The following MTERF4 variants were observed in gnomAD, a reference collection of about 807,000 sequenced individuals.
MTERF4 encodes the protein mitochondrial transcription termination factor 4, also known as transcription termination factor 4, mitochondrial.
Under a neutral mutation model 22.5 loss-of-function variants are expected in MTERF4, and 17 were observed. The ratio of observed to expected loss-of-function variants is 0.75; its 90% confidence interval spans 0.52 to 1.13. The LOEUF (loss-of-function observed/expected upper bound fraction) is 1.13. MTERF4 is among the 50% of genes most tolerant of loss of function. The pLI is 0.00. For missense variants in MTERF4, 420 were observed against 466.8 expected (o/e 0.90, Z 0.92); for synonymous variants, 165 against 175.3 (o/e 0.94, Z 0.47).
rs983715306 is a variant in MTERF4, at chr2:241,073,836, T to C, written n.2326A>G. On this transcript the variant is annotated non_coding_transcript_exon_variant, in exon 5 of 5. Coordinates refer to the MTERF4 transcript ENST00000464344. This position sits in a 1 kb window ranked among gnomAD's most constrained non-coding sequence, Gnocchi z 6.6. ...CACTCAGGTTATGCAGGACCTGAAC[T>C]GTCTCCTAGTCCGGGGCTCTGCCTC... The C allele has an allele frequency of 2.8e-5, 6 of 211,602 alleles. No individual in the cohort carries two copies. The highest frequency in any genetic ancestry group is 1.4e-4 in the African/African-American group (6 of 43,954). 13.1% of individuals were successfully genotyped at this position (211,602 alleles called of 1,614,324 possible). A position where few individuals can be genotyped will look rare whatever the true frequency, so the allele number is the denominator to read the frequency against.
chr2:241,070,753 C>T (rs1297189927), downstream of MTERF4, among the ~76,000 whole-genome samples: 1 of 152,222 alleles, frequency 6.6e-6, no homozygotes, highest in Non-Finnish European at 1.5e-5. Flanking sequence ...GGGTCCCGAA[C>T]GCCCCACTTA....
downstream of MTERF4, chr2:241,082,418 C>A: frequency 7.2e-7 from 1 of 1,388,436 alleles, no homozygotes; most frequent in South Asian, 1.2e-5. Context: ...TTCTTGACTC[C>A]TCAAAGTGCT....
In MTERF4 at chr2:241,096,316, G is replaced by A; in HGVS notation, c.828C>T (p.Thr276=). 2 of 1,614,130 alleles carry A rather than the reference G, an allele frequency of 1.2e-6. No individual in the cohort carries two copies. Among genetic ancestry groups the A allele is most frequent in the Non-Finnish European group, 1.7e-6 (2 of 1,180,036 alleles). The change falls in exon 4 of 4, where the codon ACC becomes ACT. Residue 276 remains threonine, a synonymous_variant. Coordinates refer to ENST00000391980, the MANE Select transcript of MTERF4 (RefSeq NM_182501.4). The surrounding 1 kb of genome is among the most constrained non-coding windows in gnomAD (Gnocchi z 5.1). The part of the protein sequence containing the change: ...IYLERLGRYQ[T]PDKKGQTQIP... ...TCTGTGTCTGCCCCTTCTTATCAGGGGTTTGGTACCGTCCCAGGCGCTCCA... is the reference window on the plus strand; with the variant it reads ...TCTGTGTCTGCCCCTTCTTATCAGGAGTTTGGTACCGTCCCAGGCGCTCCA...
the MTERF4 span, chr2:241,052,571 A>G: frequency 4.4e-6 from 4 of 912,764 alleles, no homozygotes; most frequent in Admixed American, 7.8e-5. Flanking sequence ...AGTGCCAGGC[A>G]GGTGAGAGGG....
chr2:241,061,672 G>C, the MTERF4 span, among the ~76,000 whole-genome samples: 1 of 152,080 alleles, frequency 6.6e-6, no homozygotes, highest in Non-Finnish European at 1.5e-5. Context: ...GGATCACGAA[G>C]TCAGGAGTTC....
downstream of MTERF4, chr2:241,088,540 T>C: frequency 1.4e-6 from 1 of 716,192 alleles, no homozygotes; most frequent in Non-Finnish European, 2.4e-6. Flanking sequence ...TGCTGCTGTG[T>C]TACAGACTCC....
chr2:241,067,265 C>T (rs550318395), downstream of MTERF4, among the ~76,000 whole-genome samples: 106 of 152,352 alleles, frequency 7.0e-4, 2 homozygotes, highest in African/African-American at 1.9e-3. Flanking sequence ...ACTGGAGCTT[C>T]GGAGGAGACT....
the MTERF4 span, among the ~76,000 whole-genome samples, chr2:241,052,806 GC>G: frequency 3.9e-5 from 5 of 126,940 alleles, 1 homozygote; most frequent in East Asian, 3.0e-4. Flanking sequence ...GGCCTGGGGG[GC>G]CCAAGCAGGG....
chr2:241,069,827 G>C (rs2062624954), downstream of MTERF4: 3 of 1,428,354 alleles, frequency 2.1e-6, no homozygotes, highest in Non-Finnish European at 2.9e-6. The surrounding 1 kb of genome is among the most constrained non-coding windows in gnomAD (Gnocchi z 4.9). Context: ...TTCCAGCAAG[G>C]CTGCGGCAGC....
rs767213193 is a variant in MTERF4 at position 241,097,277 on chromosome 2, C to T, written c.671G>A (p.Arg224Gln). The T allele has an allele frequency of 8.7e-6, 14 of 1,613,958 alleles. No homozygotes were observed. Among genetic ancestry groups the T allele is most frequent in the East Asian group, 4.5e-5 (2 of 44,894 alleles). The stretch of plus-strand genomic sequence containing the variant: ...GTATTCCAGTTGACCCAGGTCCTCT[C>T]GAAGAACAGAGGGGCAACTGTGCAA... Reference protein sequence around the residue: ...KILHSCPSVLREDLGQLEYKF... With the variant: ...KILHSCPSVLQEDLGQLEYKF... The change falls in exon 3 of 4, where the codon CGA becomes CAA. Residue 224 changes from arginine to glutamine, a missense_variant. Physicochemically the swap from Arg to Gln is conservative, Grantham distance 43. Coordinates refer to ENST00000391980, the MANE Select transcript of MTERF4 (RefSeq NM_182501.4).
At chr2:241,077,390 A>G (rs975943895) in intron 4 of MTERF4, among the ~76,000 whole-genome samples, 1 of 152,208 alleles carries the variant, frequency 6.6e-6, no homozygotes, top group Non-Finnish European at 1.5e-5. Flanking sequence ...CAATAAAAGT[A>G]TGAGCAACAA....
At chr2:241,077,266 A>G (rs2063071960) in intron 4 of MTERF4, among the ~76,000 whole-genome samples, 1 of 152,116 alleles carries the variant, frequency 6.6e-6, no homozygotes, top group Non-Finnish European at 1.5e-5. Flanking sequence ...TCATAACACA[A>G]ATTACCACAA....
At chr2:241,063,634 A>G in the MTERF4 span, 1 of 1,612,444 alleles carries the variant, frequency 6.2e-7, no homozygotes, top group East Asian at 2.2e-5. Context: ...AGGGTCCTGC[A>G]GGAACCTCCC....
At position 241,096,421 on chromosome 2, in the gene MTERF4, C is replaced by T. The variant is rs917462225; in HGVS notation, c.723G>A (p.Met241Ile). The change falls in exon 4 of 4, where the codon ATG becomes ATA. Residue 241 changes from methionine (M) to isoleucine (I), a missense_variant. Physicochemically the swap from Met to Ile is conservative, Grantham distance 10. Transcript: ENST00000391980. This position sits in a 1 kb window ranked among gnomAD's most constrained non-coding sequence, Gnocchi z 5.1. ...TTACAATGTCTGGATGCTTAATTCCCATCCTGAAGTATGCATACTGGAAGA... is the reference window on the plus strand; with the variant it reads ...TTACAATGTCTGGATGCTTAATTCCTATCCTGAAGTATGCATACTGGAAGA... ...EYKFQYAYFR[M>I]GIKHPDIVKS... 1.9e-6 allele frequency: 3 copies of T among 1,613,846 alleles called. No individual in the cohort carries two copies. The African/African-American group carries it at 4.0e-5, about 22-fold the overall frequency.
At chr2:241,070,659 A>C (rs1323528179), downstream of MTERF4, among the ~76,000 whole-genome samples, 5 of 152,228 alleles carry the variant, frequency 3.3e-5, no homozygotes, top group Non-Finnish European at 5.9e-5. Flanking sequence ...GGCACAGGGC[A>C]GAAGCCGCTC....
downstream of MTERF4, chr2:241,087,889 G>A (rs973318057): frequency 7.5e-5 from 32 of 426,946 alleles, no homozygotes; most frequent in East Asian, 4.2e-4. Context: ...ACTGTTTGGC[G>A]TTTGCTGAAA....
At chr2:241,051,936 C>G in the MTERF4 span, 2 of 1,470,894 alleles carry the variant, frequency 1.4e-6, no homozygotes, top group African/African-American at 2.8e-5. The surrounding 1 kb of genome is among the most constrained non-coding windows in gnomAD (Gnocchi z 4.7). Context: ...TGCACCCTCC[C>G]TGCCAGCTGT....
chr2:241,098,380 T>C, intron 2 of MTERF4, among the ~76,000 whole-genome samples: 1 of 152,204 alleles, frequency 6.6e-6, no homozygotes, highest in East Asian at 1.9e-4. Context: ...TCCTAAACCT[T>C]CTACCACTGC....
the MTERF4 span, among the ~76,000 whole-genome samples, chr2:241,061,504 G>A: frequency 5.3e-5 from 8 of 152,300 alleles, no homozygotes; most frequent in South Asian, 1.7e-3. Flanking sequence ...CTGTGTTCCA[G>A]CAATTGCACT....
Sources: allele counts gnomAD v4.1 joint callset (sites outside exome capture counted in the v4.1 genomes callset), GRCh38; gene constraint gnomAD v4.1.1; non-coding constraint Gnocchi (gnomAD v3.1); transcripts MANE v1.5; gene names NCBI Gene and HGNC (gene_info 2026-07-23, HGNC 2026-07-21).